Variants in RBFOX2 observed in about 807,000 individuals in gnomAD.
RBFOX2 encodes the protein RNA binding fox-1 homolog 2.
Under a neutral mutation model 49.1 loss-of-function variants are expected in RBFOX2, and 10 were observed. The ratio of observed to expected loss-of-function variants is 0.20; its 90% CI spans 0.13 to 0.35. RBFOX2 has a LOEUF of 0.35. Among genes scored for constraint, RBFOX2 ranks in the 10% least tolerant of loss-of-function variants. The probability of loss-of-function intolerance (pLI) is 1.00; values close to 1 mark genes in which losing one functional copy is unlikely to be tolerated. For missense variants in RBFOX2, 323 were observed against 486.9 expected (o/e 0.66, Z 3.17); for synonymous variants, 183 against 187.4 (o/e 0.98, Z 0.19).
At chr22:35,982,658 T>C (rs1356887734) in intron 1 of RBFOX2, among the ~76,000 whole-genome samples, 1 of 152,106 alleles carries the variant, frequency 6.6e-6, no homozygotes, top group African/African-American at 2.4e-5. Context: ...GATATCTGAA[T>C]AGAAACCATG....
intron 1 of RBFOX2, among the ~76,000 whole-genome samples, chr22:35,878,590 A>T (rs1192721643): frequency 6.6e-6 from 1 of 152,100 alleles, no homozygotes; most frequent in Admixed American, 6.5e-5. Flanking sequence ...GGTGTGTCCC[A>T]CCAACCCTGG....
Position 35,759,925 on chromosome 22 carries a change from G to A in RBFOX2, c.850C>T (p.Arg284Ter), listed in dbSNP as rs1441675348. The change falls in exon 9 of 12, where the codon CGA becomes TGA. Residue 284 changes from arginine (R) to a stop codon, truncating the protein, a stop_gained. Coordinates refer to ENST00000405409, the Ensembl canonical transcript of RBFOX2. LOFTEE classifies it high-confidence loss of function. This position sits in a 1 kb window ranked among gnomAD's most constrained non-coding sequence, Gnocchi z 4.6. ...GGGATGGCTGTTGGAGGTACCGCTC[G>A]GACTGCACCATATACTGTCCGCCCT... 6.2e-7 allele frequency: 1 copy of A among 1,613,410 alleles called. No individual in the cohort carries two copies.
chr22:35,855,639 G>A (rs1159083145), intron 1 of RBFOX2, among the ~76,000 whole-genome samples: 1 of 151,852 alleles, frequency 6.6e-6, no homozygotes. Context: ...CAACTCCTGA[G>A]TTCAGGCGAT....
chr22:35,917,698 G>A (rs1331083352), intron 1 of RBFOX2, among the ~76,000 whole-genome samples: 1 of 152,184 alleles, frequency 6.6e-6, no homozygotes, highest in African/African-American at 2.4e-5. Flanking sequence ...AGGCCAGAAG[G>A]GGCTGGGTTC....
rs527261965 is a variant in RBFOX2, at chr22:35,802,740, A to G, written c.252+7040T>C. 2.0e-5 allele frequency among the ~76,000 whole-genome samples: 3 copies of G among 152,290 alleles called. No homozygotes were observed. The East Asian group carries it at 5.8e-4, about 29-fold the overall frequency. On this transcript the variant is annotated intron_variant, in intron 2 of 11. Coordinates refer to ENST00000405409, the Ensembl canonical transcript of RBFOX2. ...TCTGAAGAGGGTGCAGTGGAAGACC[A>G]GCTAGAAATCTGAAGGGGAGATCCT...
chr22:35,938,917 A>T (rs1019184146), upstream of RBFOX2: 8 of 1,605,478 alleles, frequency 5.0e-6, no homozygotes, highest in Non-Finnish European at 6.8e-6. Flanking sequence ...AGACAAGAAA[A>T]ATATCAAACC....
chr22:35,931,932 T>C (rs2052469181), intron 1 of RBFOX2, among the ~76,000 whole-genome samples: 1 of 152,202 alleles, frequency 6.6e-6, no homozygotes, highest in Non-Finnish European at 1.5e-5. Context: ...CGACAATTTT[T>C]TGAAGGGGAC....
At chr22:35,983,565 A>C (rs1334028049) in intron 1 of RBFOX2, among the ~76,000 whole-genome samples, 2 of 152,192 alleles carry the variant, frequency 1.3e-5, no homozygotes, top group African/African-American at 4.8e-5. Context: ...TCTCAGAAAT[A>C]ACATCATATC....
At chr22:35,885,731 C>A (rs2046470845) in intron 1 of RBFOX2, among the ~76,000 whole-genome samples, 1 of 151,858 alleles carries the variant, frequency 6.6e-6, no homozygotes, top group Non-Finnish European at 1.5e-5. Flanking sequence ...ATTTATTTAA[C>A]CTCTGAATAG....
At chr22:35,908,138 T>C (rs1356311719) in intron 1 of RBFOX2, among the ~76,000 whole-genome samples, 1 of 152,208 alleles carries the variant, frequency 6.6e-6, no homozygotes, top group Admixed American at 6.5e-5. Flanking sequence ...AGAAATAAAA[T>C]TTTAACTTAA....
At chr22:35,878,638 A>G (rs2045473246) in intron 1 of RBFOX2, among the ~76,000 whole-genome samples, 1 of 152,204 alleles carries the variant, frequency 6.6e-6, no homozygotes, top group Non-Finnish European at 1.5e-5. Flanking sequence ...ATAGGGTACC[A>G]CTATGTTGCC....
intron 11 of RBFOX2, among the ~76,000 whole-genome samples, chr22:35,744,889 A>C (rs138345356): frequency 6.6e-6 from 1 of 152,340 alleles, no homozygotes; most frequent in East Asian, 1.9e-4. Context: ...CTAATGGCTT[A>C]TCTCTTTCAA....
rs372151371 is a variant in RBFOX2, at chr22:36,028,037, C to T, written c.186+203G>A. The stretch of plus-strand genomic sequence containing the variant: ...TCCTGGCCCCTCAGGAATCAGGACC[C>T]TCTCGGGCACACCAGGTTCAGTCCT... On this transcript the variant is annotated intron_variant, in intron 1 of 13. Transcript: ENST00000438146. Among the ~76,000 whole-genome samples the T allele has an allele frequency of 2.8e-4, 42 of 152,296 alleles. No homozygotes were observed. The East Asian group carries it at 7.8e-3, about 28-fold the overall frequency.
At chr22:35,760,528 T>C (rs890724944) in intron 8 of RBFOX2, among the ~76,000 whole-genome samples, 1 of 152,230 alleles carries the variant, frequency 6.6e-6, no homozygotes, top group South Asian at 2.1e-4. Flanking sequence ...ATAATAGTCT[T>C]TAGACATTTC....
At chr22:35,786,403 T>G (rs1946397129) in intron 2 of RBFOX2, among the ~76,000 whole-genome samples, 1 of 152,222 alleles carries the variant, frequency 6.6e-6, no homozygotes, top group Non-Finnish European at 1.5e-5. Context: ...TCTAATGCAA[T>G]TTTTAAATTG....
At chr22:35,887,209 C>T (rs1463208893) in intron 1 of RBFOX2, among the ~76,000 whole-genome samples, 1 of 151,936 alleles carries the variant, frequency 6.6e-6, no homozygotes, top group Non-Finnish European at 1.5e-5. Flanking sequence ...ATAACTGAAG[C>T]TTGCCATATT....
rs576526066 is a variant in RBFOX2, at chr22:35,909,773, G to A, written c.-34+29074C>T. 3.9e-5 allele frequency among the ~76,000 whole-genome samples: 6 copies of A among 152,234 alleles called. No individual in the cohort carries two copies. The South Asian group carries it at 8.3e-4, about 21-fold the overall frequency. On this transcript the variant is annotated intron_variant, in intron 1 of 13. Coordinates refer to the RBFOX2 transcript ENST00000359369. Reference sequence around the variant, plus strand: ...ATTACAGGCACAAGCCACCATGCCCGGTTAATGTTTTTGTATTTTTAGTAG... The same window carrying A: ...ATTACAGGCACAAGCCACCATGCCCAGTTAATGTTTTTGTATTTTTAGTAG...
At chr22:35,826,417 A>C (rs1471561599) in intron 1 of RBFOX2, among the ~76,000 whole-genome samples, 1 of 152,050 alleles carries the variant, frequency 6.6e-6, no homozygotes, top group Non-Finnish European at 1.5e-5. Context: ...AATAGAAAGC[A>C]TACATAGTCC....
rs533247333 is a variant in RBFOX2 at position 35,749,514 on chromosome 22, C to T, written c.888-2953G>A. On this transcript the variant is annotated intron_variant, in intron 9 of 11. Coordinates refer to ENST00000405409, the Ensembl canonical transcript of RBFOX2. This position sits in a 1 kb window ranked among gnomAD's most constrained non-coding sequence, Gnocchi z 4.1. ...TATTCCTCTCTCTCTCTCTTACACA[C>T]ACACACGCACACACACACATACACT... 6.6e-6 allele frequency among the ~76,000 whole-genome samples: 1 copy of T among 152,144 alleles called. No individual in the cohort carries two copies. The highest frequency in any genetic ancestry group is 2.4e-5 in the African/African-American group (1 of 41,538).
Sources: gnomAD v4.1 joint callset for allele counts (sites outside exome capture counted in the v4.1 genomes callset) on GRCh38, gnomAD v4.1.1 for gene constraint, Gnocchi (gnomAD v3.1) non-coding constraint, MANE v1.5 for transcripts, NCBI Gene and HGNC (gene_info 2026-07-23, HGNC 2026-07-21) for gene names.